CSMD1: variants seen among roughly 807,000 people sequenced by gnomAD.
The protein encoded by CSMD1 is CUB and Sushi multiple domains 1.
In CSMD1, 213 loss-of-function variants were observed where a neutral mutation model predicts 417.5. The ratio of observed to expected loss-of-function variants is 0.51; its 90% confidence interval spans 0.46 to 0.57. The LOEUF (loss-of-function observed/expected upper bound fraction) is 0.57, where lower values mean the gene tolerates loss of function less well. Ranked by LOEUF, CSMD1 falls within the 20% of genes least tolerant of loss-of-function variation. CSMD1 has a pLI of 0.00. For missense variants in CSMD1, 6,923 were observed against 4,529.7 expected (o/e 1.53, Z -15.17); for synonymous variants, 2,862 against 1,736.8 (o/e 1.65, Z -16.11).
intron 3 of CSMD1, among the ~76,000 whole-genome samples, chr8:4,391,289 C>G (rs1039348173): frequency 5.9e-5 from 9 of 152,354 alleles, no homozygotes; most frequent in Middle Eastern, 3.4e-3. Context: ...GCCATTAACT[C>G]TACCCTTTCT....
intron 4 of CSMD1, among the ~76,000 whole-genome samples, chr8:4,008,600 C>CTTTTTTTTT (rs1161117794): frequency 0.01 from 830 of 80,498 alleles, 7 homozygotes; most frequent in East Asian, 0.016. Flanking sequence ...TTCTTTTTTT[C>CTTTTTTTTT]TTTTTTTTTT....
chr8:4,811,743 T>C (rs1798921031), intron 1 of CSMD1, among the ~76,000 whole-genome samples: 1 of 152,154 alleles, frequency 6.6e-6, no homozygotes, highest in African/African-American at 2.4e-5. Flanking sequence ...TTCGTTTAAA[T>C]CTTTTAGTCT....
At chr8:3,172,803 TCA>T (rs1820664893) in intron 37 of CSMD1, among the ~76,000 whole-genome samples, 1 of 152,162 alleles carries the variant, frequency 6.6e-6, no homozygotes, top group Admixed American at 6.5e-5. Flanking sequence ...ATGGCAATTG[TCA>T]GTTTCCATTG....
At chr8:3,977,761 A>C (rs1449509675) in intron 5 of CSMD1, among the ~76,000 whole-genome samples, 2 of 152,220 alleles carry the variant, frequency 1.3e-5, no homozygotes, top group East Asian at 1.9e-4. Flanking sequence ...GTGAATCTGC[A>C]TGTATGCTTA....
chr8:3,959,594 T>C (rs2740835), intron 5 of CSMD1, among the ~76,000 whole-genome samples: 69,683 of 152,054 alleles, frequency 0.46, 16,877 homozygotes, highest in East Asian at 0.79. Context: ...TAAAAATAAT[T>C]TGACCAAATG....
intron 2 of CSMD1, among the ~76,000 whole-genome samples, chr8:4,507,222 A>G (rs1045127736): frequency 6.6e-6 from 1 of 152,214 alleles, no homozygotes; most frequent in Non-Finnish European, 1.5e-5. Context: ...AAACCTAGAT[A>G]GTAGATACCC....
chr8:4,827,497 AT>A (rs1799903335), intron 1 of CSMD1, among the ~76,000 whole-genome samples: 4 of 152,116 alleles, frequency 2.6e-5, no homozygotes, highest in African/African-American at 9.7e-5. Flanking sequence ...TGAACTGAAT[AT>A]TTTTCAAAAT....
intron 5 of CSMD1, among the ~76,000 whole-genome samples, chr8:3,772,286 G>GACATACATATGTACATATATTTAC (rs1798622066): frequency 7.8e-6 from 1 of 128,880 alleles, no homozygotes; most frequent in African/African-American, 3.2e-5. Flanking sequence ...CATATATTTA[G>GACATACATATGTACATATATTTAC]ACATACATAT....
chr8:4,013,733 C>A (rs1307372723), intron 4 of CSMD1, among the ~76,000 whole-genome samples: 1 of 152,178 alleles, frequency 6.6e-6, no homozygotes. Context: ...TGTTGGCGAA[C>A]TATAGCTTGT....
intron 1 of CSMD1, among the ~76,000 whole-genome samples, chr8:4,799,370 A>T (rs1798154716): frequency 6.6e-6 from 1 of 151,990 alleles, no homozygotes; most frequent in Non-Finnish European, 1.5e-5. Context: ...TTAGCCCTAG[A>T]TCATATAAGT....
intron 10 of CSMD1, among the ~76,000 whole-genome samples, chr8:3,539,920 G>A (rs1421433784): frequency 1.3e-5 from 2 of 152,164 alleles, no homozygotes; most frequent in African/African-American, 4.8e-5. Flanking sequence ...ATTGCTTCAT[G>A]GATAGACCAT....
intron 1 of CSMD1, among the ~76,000 whole-genome samples, chr8:4,767,599 C>A (rs925075341): frequency 6.6e-6 from 1 of 152,134 alleles, no homozygotes; most frequent in Non-Finnish European, 1.5e-5. Flanking sequence ...ACACAGTCCT[C>A]CCTAGGACCT....
intron 2 of CSMD1, among the ~76,000 whole-genome samples, chr8:4,502,862 T>C (rs1452541594): frequency 1.3e-5 from 2 of 152,152 alleles, no homozygotes; most frequent in African/African-American, 4.8e-5. Context: ...AGTTTTTCTT[T>C]TGAAAGAAAA....
At chr8:3,593,887 T>G (rs897306932) in intron 8 of CSMD1, among the ~76,000 whole-genome samples, 20 of 152,188 alleles carry the variant, frequency 1.3e-4, no homozygotes. Context: ...TCTTACTTGA[T>G]TTTCACATTA....
rs10663067 is a variant in CSMD1, at chr8:4,727,968, A to AATATATATATGTATATATATACAAAAT, written c.86-90411_86-90410insATTTTGTATATATATACATATATATAT. Among the ~76,000 whole-genome samples the AATATATATATGTATATATATACAAAAT allele has an allele frequency of 9.8e-3, 1,390 of 141,886 alleles. 34 individuals carry two copies. The highest frequency in any genetic ancestry group is 0.015 in the Non-Finnish European group (1,005 of 66,092). 93.1% of individuals were successfully genotyped at this position (141,886 alleles called of 152,430 possible). ...AATATATATATGTATATATATACAAAATATATATGTATATATATACAAAAT... is the reference window on the plus strand; with the variant it reads ...AATATATATATGTATATATATACAAAATATATATATGTATATATATACAAAATATATATATGTATATATATACAAAAT... On this transcript the variant is annotated intron_variant, in intron 1 of 69. Transcript: ENST00000635120.
intron 3 of CSMD1, among the ~76,000 whole-genome samples, chr8:4,387,569 G>GAAAAAAAAAAAAA (rs1563120658): frequency 6.0e-4 from 2 of 3,310 alleles, no homozygotes; most frequent in Non-Finnish European, 1.5e-3. Flanking sequence ...ATCCAAACTG[G>GAAAAAAAAAAAAA]CAAAAAAAAA....
At chr8:4,115,190 G>A (rs1019581591) in intron 3 of CSMD1, among the ~76,000 whole-genome samples, 14 of 152,192 alleles carry the variant, frequency 9.2e-5, no homozygotes, top group African/African-American at 3.1e-4. Context: ...CCAGCCTTCA[G>A]CAACTACCAT....
At chr8:4,903,132 T>G (rs1805004717) in intron 1 of CSMD1, among the ~76,000 whole-genome samples, 1 of 152,178 alleles carries the variant, frequency 6.6e-6, no homozygotes, top group Admixed American at 6.6e-5. Context: ...GCTCTATCTT[T>G]GTACTCTTAT....
chr8:3,889,569 G>A (rs532017359), intron 5 of CSMD1, among the ~76,000 whole-genome samples: 1 of 145,226 alleles, frequency 6.9e-6, no homozygotes, highest in South Asian at 2.2e-4. Context: ...CTGTGTGTGT[G>A]TATGTGTATG....
Sources: allele counts gnomAD v4.1 joint callset (sites outside exome capture counted in the v4.1 genomes callset), GRCh38; gene constraint gnomAD v4.1.1; transcripts MANE v1.5; gene names NCBI Gene and HGNC (gene_info 2026-07-23, HGNC 2026-07-21).